Variants in PDE4B observed in about 807,000 individuals in gnomAD.
PDE4B encodes 3',5'-cyclic-AMP phosphodiesterase 4B.
PDE4B carries 20 observed loss-of-function variants against 82.2 expected under a neutral mutation model. The observed-to-expected ratio is 0.24, with a 90% CI of 0.17 to 0.35. The LOEUF (loss-of-function observed/expected upper bound fraction) is 0.35. PDE4B is among the 10% of genes least tolerant of loss of function. The pLI is 1.00. For synonymous variants in PDE4B, 320 were observed against 318.9 expected (o/e 1.00, Z -0.04); for missense variants, 655 against 907.2 (o/e 0.72, Z 3.57).
intron 1 of PDE4B, among the ~76,000 whole-genome samples, chr1:65,887,694 A>G (rs1571072858): frequency 1.3e-5 from 2 of 151,938 alleles, no homozygotes; most frequent in African/African-American, 4.8e-5. Context: ...CTGGGATTAC[A>G]GGCATGAGCC....
intron 3 of PDE4B, among the ~76,000 whole-genome samples, chr1:65,982,880 T>G (rs1231821207): frequency 1.3e-5 from 2 of 152,182 alleles, no homozygotes; most frequent in African/African-American, 4.8e-5. Context: ...TCTGTCATCA[T>G]TGGTCCAGAG....
chr1:66,185,417 T>C (rs1396543676), intron 3 of PDE4B, among the ~76,000 whole-genome samples: 33 of 152,088 alleles, frequency 2.2e-4, no homozygotes, highest in Non-Finnish European at 3.7e-4. Context: ...AATCGCCACA[T>C]TGACTTCCAC....
intron 7 of PDE4B, among the ~76,000 whole-genome samples, chr1:66,317,497 G>A (rs534760400): frequency 6.6e-6 from 1 of 152,020 alleles, no homozygotes; most frequent in Non-Finnish European, 1.5e-5. Context: ...TAGATGATAA[G>A]ATTTGAGAGA....
intron 3 of PDE4B, among the ~76,000 whole-genome samples, chr1:66,206,878 T>C (rs1040081009): frequency 6.6e-6 from 1 of 152,198 alleles, no homozygotes; most frequent in Non-Finnish European, 1.5e-5. Context: ...AAACTGCAGA[T>C]ATATTATTAG....
chr1:66,018,107 C>T (rs958037379), intron 3 of PDE4B, among the ~76,000 whole-genome samples: 3 of 152,192 alleles, frequency 2.0e-5, no homozygotes, highest in African/African-American at 7.2e-5. Flanking sequence ...GGAAGACAGA[C>T]GTTTCCATCT....
At chr1:65,973,021 A>G (rs769590127) in intron 3 of PDE4B, among the ~76,000 whole-genome samples, 13 of 152,290 alleles carry the variant, frequency 8.5e-5, no homozygotes, top group African/African-American at 2.9e-4. Context: ...CTGCAAATCT[A>G]TCCATTCTGT....
At chr1:66,360,352 G>A (rs185902289) in intron 9 of PDE4B, 32 of 152,252 alleles carry the variant, frequency 2.1e-4, no homozygotes, top group African/African-American at 7.5e-4. Context: ...CACTGTGCTT[G>A]CTTTGCTCTG....
chr1:66,351,042 A>G (rs953982129), intron 8 of PDE4B, among the ~76,000 whole-genome samples: 3 of 152,260 alleles, frequency 2.0e-5, no homozygotes, highest in African/African-American at 7.2e-5. Flanking sequence ...ACATATCTAG[A>G]AAATATACCT....
intron 1 of PDE4B, among the ~76,000 whole-genome samples, chr1:65,825,560 T>C (rs542699236): frequency 1.1e-4 from 16 of 152,150 alleles, no homozygotes; most frequent in South Asian, 8.3e-4. Context: ...AAAACATCTA[T>C]TGGGGCCAGG....
chr1:66,210,827 T>C (rs1649988538), intron 3 of PDE4B, among the ~76,000 whole-genome samples: 1 of 152,112 alleles, frequency 6.6e-6, no homozygotes, highest in African/African-American at 2.4e-5. Context: ...CTACTGACAT[T>C]AGACTCATCG....
intron 3 of PDE4B, among the ~76,000 whole-genome samples, chr1:66,008,022 A>G (rs114148414): frequency 0.01 from 1,529 of 152,242 alleles, 20 homozygotes; most frequent in African/African-American, 0.035. Flanking sequence ...TCCAACTCCC[A>G]GCTCCTGTGG....
chr1:66,367,516 G>T, intron 13 of PDE4B, 180 bp from the exon 14 acceptor site: 2 of 527,832 alleles, frequency 3.8e-6, no homozygotes, highest in African/African-American at 1.9e-5. Context: ...AGCATTTTTT[G>T]CTTAGAAACT....
intron 3 of PDE4B, among the ~76,000 whole-genome samples, chr1:66,178,243 TTTAGGGTACC>T (rs1464031236): frequency 6.6e-6 from 1 of 152,110 alleles, no homozygotes; most frequent in Non-Finnish European, 1.5e-5. Context: ...TCTATGCCAA[TTTAGGGTACC>T]TTATACCCAC....
At chr1:66,230,755 A>T (rs1001984610) in intron 3 of PDE4B, among the ~76,000 whole-genome samples, 8 of 152,220 alleles carry the variant, frequency 5.3e-5, no homozygotes, top group Admixed American at 5.2e-4. Context: ...CAATGTTAAA[A>T]TAGTTCCTGA....
At chr1:65,960,697 C>T (rs1056018012) in intron 3 of PDE4B, among the ~76,000 whole-genome samples, 3 of 152,086 alleles carry the variant, frequency 2.0e-5, no homozygotes, top group East Asian at 1.9e-4. Flanking sequence ...TGCTATCCTA[C>T]GTTGTGTCAA....
At chr1:66,370,479 C>CA (rs2050709463) in intron 16 of PDE4B, among the ~76,000 whole-genome samples, 1 of 152,168 alleles carries the variant, frequency 6.6e-6, no homozygotes, top group African/African-American at 2.4e-5. Flanking sequence ...TGGTCCACTA[C>CA]AGCAGCTCTC....
intron 3 of PDE4B, among the ~76,000 whole-genome samples, chr1:66,243,615 A>C (rs1009575569): frequency 1.3e-5 from 2 of 152,162 alleles, no homozygotes; most frequent in African/African-American, 4.8e-5. Context: ...GCATGAACTG[A>C]ATTTTGAAGA....
chr1:66,187,015 C>G (rs546757838), intron 3 of PDE4B, among the ~76,000 whole-genome samples: 2 of 152,182 alleles, frequency 1.3e-5, no homozygotes, highest in East Asian at 3.9e-4. Flanking sequence ...CCCATCAATA[C>G]CTAATTTATT....
At chr1:66,330,811 C>G (rs1660049301) in intron 7 of PDE4B, 1 of 983,978 alleles carries the variant, frequency 1.0e-6, no homozygotes, top group African/African-American at 1.8e-5. Flanking sequence ...GGCAGCATTG[C>G]AAAATTGAAG....
Sources: allele counts gnomAD v4.1 joint callset (sites outside exome capture counted in the v4.1 genomes callset), GRCh38; gene constraint gnomAD v4.1.1; transcripts MANE v1.5; gene names NCBI Gene and HGNC (gene_info 2026-07-23, HGNC 2026-07-21).